Variants in DCDC2 observed in about 807,000 individuals in gnomAD.
DCDC2 encodes doublecortin domain containing 2.
DCDC2 carries 40 observed loss-of-function variants against 50.2 expected under a neutral mutation model. The ratio of observed to expected loss-of-function variants is 0.80; its 90% CI spans 0.62 to 1.04. The LOEUF (loss-of-function observed/expected upper bound fraction) is 1.04. Ranked by LOEUF, DCDC2 falls within the 50% of genes least tolerant of loss-of-function variation. The probability of loss-of-function intolerance (pLI) is 0.00; values close to 1 mark genes in which losing one functional copy is unlikely to be tolerated. For missense variants in DCDC2, 570 were observed against 581.9 expected, an observed-to-expected ratio of 0.98 and a Z score of 0.21; for synonymous variants, 234 against 210.6, an observed-to-expected ratio of 1.11 and a Z score of -0.96.
chr6:24,291,601 T>C (rs1056782740), intron 4 of DCDC2, among the ~76,000 whole-genome samples: 23 of 145,414 alleles, frequency 1.6e-4, no homozygotes, highest in African/African-American at 5.1e-4. Context: ...TTCTCCTGCC[T>C]CAGCCTCCCA....
At position 24,306,539 on chromosome 6, in the gene DCDC2, TAGATAGACAGACAGAC is replaced by T. The variant is rs1467316090; in HGVS notation, c.349-4511_349-4496del. ...ATAGATAGATAGATAGATAGATAGA[TAGATAGACAGACAGAC>T]AGACAGACAGACAGACAGACAAAAT... On this transcript the variant is annotated intron_variant, in intron 2 of 9. Coordinates refer to ENST00000378454, the MANE Select transcript of DCDC2 (RefSeq NM_016356.5). Among the ~76,000 whole-genome samples, 606 of 108,470 alleles carry T rather than the reference TAGATAGACAGACAGAC, an allele frequency of 5.6e-3. 5 individuals carry two copies. Among genetic ancestry groups the T allele is most frequent in the African/African-American group, 0.018 (533 of 30,182 alleles). The allele number at this position is 108,470 out of a possible 152,430, so 71.2% of individuals were successfully genotyped here.
rs1002078558 is a variant in DCDC2, at chr6:24,245,191, C to A, written c.922+32858G>T. Among the ~76,000 whole-genome samples the A allele has an allele frequency of 7.2e-5, 11 of 152,276 alleles. No individual in the cohort carries two copies. In the South Asian group the frequency reaches 8.3e-4, roughly 11 times the overall value. On this transcript the variant is annotated intron_variant, in intron 7 of 9. Coordinates refer to ENST00000378454, the MANE Select transcript of DCDC2 (RefSeq NM_016356.5). The stretch of plus-strand genomic sequence containing the variant: ...CCTTGGCGACAGAGGGAAACTCCAT[C>A]TCAGAAAGTTTTATTCATAGCTGAG...
intron 7 of DCDC2, among the ~76,000 whole-genome samples, chr6:24,269,651 T>C (rs1763195958): frequency 6.6e-6 from 1 of 151,788 alleles, no homozygotes; most frequent in African/African-American, 2.4e-5. Context: ...TCATGAAACA[T>C]GGGGAAGGAA....
intron 7 of DCDC2, among the ~76,000 whole-genome samples, chr6:24,267,353 C>T (rs1763144074): frequency 6.6e-6 from 1 of 152,078 alleles, no homozygotes; most frequent in South Asian, 2.1e-4. Flanking sequence ...GTTATAGATA[C>T]CCCATTTACT....
chr6:24,326,109 GAGAA>G lies in DCDC2; in HGVS notation c.349-24069_349-24066del, dbSNP rs1224636700. On this transcript the variant is annotated intron_variant, in intron 2 of 9. Coordinates refer to ENST00000378454, the MANE Select transcript of DCDC2 (RefSeq NM_016356.5). ...AAAGAAAGGAAGAGAGGAAAAAAGA[GAGAA>G]AGACAGGGAGAAAAATAAAAAGAAG... Among the ~76,000 whole-genome samples the G allele has an allele frequency of 6.8e-4, 98 of 144,666 alleles. 3 individuals carry two copies. The highest frequency in any genetic ancestry group is 2.3e-3 in the African/African-American group (93 of 40,366). 94.9% of individuals were successfully genotyped at this position (144,666 alleles called of 152,430 possible).
At chr6:24,275,412 C>G (rs1763329719) in intron 7 of DCDC2, among the ~76,000 whole-genome samples, 1 of 152,068 alleles carries the variant, frequency 6.6e-6, no homozygotes, top group Non-Finnish European at 1.5e-5. Context: ...GCACAAAATC[C>G]TTTTTCATTT....
At chr6:24,193,905 A>G (rs1761365892) in intron 8 of DCDC2, among the ~76,000 whole-genome samples, 1 of 152,142 alleles carries the variant, frequency 6.6e-6, no homozygotes, top group Non-Finnish European at 1.5e-5. Context: ...AACAAAATCA[A>G]AATTTATTTT....
At chr6:24,213,557 T>A (rs1022134503) in intron 7 of DCDC2, among the ~76,000 whole-genome samples, 4 of 152,188 alleles carry the variant, frequency 2.6e-5, no homozygotes, top group African/African-American at 9.6e-5. Flanking sequence ...GAAGGTGATA[T>A]AAAAATAATT....
intron 7 of DCDC2, among the ~76,000 whole-genome samples, chr6:24,240,320 G>A (rs986181627): frequency 3.3e-5 from 5 of 152,168 alleles, no homozygotes; most frequent in Non-Finnish European, 5.9e-5. Context: ...AGAGGCTGGA[G>A]TATTAATTGA....
chr6:24,274,005 A>G (rs1763296721), intron 7 of DCDC2, among the ~76,000 whole-genome samples: 1 of 152,180 alleles, frequency 6.6e-6, no homozygotes, highest in Admixed American at 6.5e-5. Context: ...ATACTGGCCC[A>G]TGTGTGGGCA....
chr6:24,195,915 C>A (rs1256157110), intron 8 of DCDC2, among the ~76,000 whole-genome samples: 1 of 152,158 alleles, frequency 6.6e-6, no homozygotes, highest in Non-Finnish European at 1.5e-5. Context: ...CCAATGAAAG[C>A]AAAGACTTCT....
At chr6:24,238,199 A>G in intron 7 of DCDC2, among the ~76,000 whole-genome samples, 1 of 106,330 alleles carries the variant, frequency 9.4e-6, no homozygotes, top group Middle Eastern at 5.0e-3. Context: ...GAGGGGAGGG[A>G]GTTCCACTTC....
At chr6:24,246,212 C>A (rs1395265576) in intron 7 of DCDC2, among the ~76,000 whole-genome samples, 1 of 152,058 alleles carries the variant, frequency 6.6e-6, no homozygotes, top group East Asian at 1.9e-4. Context: ...AGATCAAATC[C>A]CATCAAGCCG....
intron 7 of DCDC2, among the ~76,000 whole-genome samples, chr6:24,251,420 T>C (rs1762790252): frequency 6.6e-6 from 1 of 152,232 alleles, no homozygotes; most frequent in Non-Finnish European, 1.5e-5. Flanking sequence ...ACAGCAATGT[T>C]AGGTTACCTT....
At chr6:24,366,835 T>A in the DCDC2 span, among the ~76,000 whole-genome samples, 1 of 147,388 alleles carries the variant, frequency 6.8e-6, no homozygotes, top group African/African-American at 2.4e-5. Context: ...GATCTTTTTT[T>A]ATAAAATCTA....
At chr6:24,374,333 C>T in the DCDC2 span, among the ~76,000 whole-genome samples, 7 of 151,574 alleles carry the variant, frequency 4.6e-5, no homozygotes, top group Non-Finnish European at 8.8e-5. Flanking sequence ...TTCGGGAGGC[C>T]AAGGCAGGTG....
At chr6:24,255,520 T>A (rs1430002122) in intron 7 of DCDC2, among the ~76,000 whole-genome samples, 1 of 152,002 alleles carries the variant, frequency 6.6e-6, no homozygotes, top group Non-Finnish European at 1.5e-5. Flanking sequence ...AGCCACAGAA[T>A]GGAAAAAGAT....
At chr6:24,348,323 TAAGAG>T (rs1398933044) in intron 2 of DCDC2, among the ~76,000 whole-genome samples, 1 of 152,152 alleles carries the variant, frequency 6.6e-6, no homozygotes, top group Non-Finnish European at 1.5e-5. Context: ...TTGTATGAGA[TAAGAG>T]AAGTTTATCC....
upstream of DCDC2, among the ~76,000 whole-genome samples, chr6:24,358,549 G>C (rs377348772): frequency 2.6e-4 from 37 of 142,248 alleles, no homozygotes; most frequent in East Asian, 6.3e-3. Flanking sequence ...GGTGGGCAGG[G>C]TATTCGCCTG....
Sources: gnomAD v4.1 joint callset for allele counts (sites outside exome capture counted in the v4.1 genomes callset) on GRCh38, gnomAD v4.1.1 for gene constraint, MANE v1.5 for transcripts, NCBI Gene and HGNC (gene_info 2026-07-23, HGNC 2026-07-21) for gene names.